PCDH15: variants seen among roughly 807,000 people sequenced by gnomAD.
The protein encoded by PCDH15 is protocadherin-15.
PCDH15 carries 129 observed loss-of-function variants against 178.5 expected under a neutral mutation model. The observed-to-expected ratio is 0.72, with a 90% CI of 0.63 to 0.84. The LOEUF (loss-of-function observed/expected upper bound fraction) is 0.84. Among genes scored for constraint, PCDH15 ranks in the 40% least tolerant of loss-of-function variants. PCDH15 has a pLI of 0.00. For missense variants in PCDH15, 2,230 were observed against 2,099.9 expected, an observed-to-expected ratio of 1.06 and a Z score of -1.21; for synonymous variants, 800 against 732.0, an observed-to-expected ratio of 1.09 and a Z score of -1.50.
intron 3 of PCDH15, among the ~76,000 whole-genome samples, chr10:54,828,370 GC>G (rs1219096523): frequency 6.6e-6 from 1 of 151,852 alleles, no homozygotes; most frequent in African/African-American, 2.4e-5. Context: ...GTAAAATCAA[GC>G]TTTTTTATTG....
At chr10:55,231,433 T>C (rs910981038) in intron 1 of PCDH15, among the ~76,000 whole-genome samples, 1 of 151,978 alleles carries the variant, frequency 6.6e-6, no homozygotes, top group Non-Finnish European at 1.5e-5. Context: ...TTGTTTTGAG[T>C]AAACTACCTA....
At chr10:54,357,523 C>G (rs1313058370) in intron 5 of PCDH15, among the ~76,000 whole-genome samples, 3 of 151,972 alleles carry the variant, frequency 2.0e-5, no homozygotes, top group African/African-American at 4.8e-5. Flanking sequence ...AGGATACAAA[C>G]AAATGGAAGA....
chr10:54,746,033 A>G (rs963209581), intron 1 of PCDH15, among the ~76,000 whole-genome samples: 1 of 152,170 alleles, frequency 6.6e-6, no homozygotes, highest in African/African-American at 2.4e-5. Flanking sequence ...TTCATAAATA[A>G]TTCTTATTTT....
intron 21 of PCDH15, among the ~76,000 whole-genome samples, chr10:53,975,264 G>A (rs1393283587): frequency 6.6e-6 from 1 of 152,020 alleles, no homozygotes; most frequent in Non-Finnish European, 1.5e-5. Flanking sequence ...GTGACTTTTT[G>A]GTAGAGCAAT....
At chr10:54,513,463 A>T (rs537734562) in intron 3 of PCDH15, among the ~76,000 whole-genome samples, 3 of 152,092 alleles carry the variant, frequency 2.0e-5, no homozygotes, top group African/African-American at 7.2e-5. Context: ...GTCTACACAC[A>T]AACACACCAG....
intron 1 of PCDH15, among the ~76,000 whole-genome samples, chr10:55,274,957 G>A (rs1284166781): frequency 6.6e-6 from 1 of 152,030 alleles, no homozygotes; most frequent in East Asian, 1.9e-4. Flanking sequence ...CCTGCTGTGC[G>A]ACCCAAGGGT....
chr10:54,582,820 G>T (rs946254218), intron 2 of PCDH15, among the ~76,000 whole-genome samples: 1 of 152,076 alleles, frequency 6.6e-6, no homozygotes, highest in African/African-American at 2.4e-5. Flanking sequence ...GAGCCCAGAA[G>T]TTCAAGGTTA....
chr10:54,880,744 C>G (rs1425784599), intron 3 of PCDH15, among the ~76,000 whole-genome samples: 1 of 149,420 alleles, frequency 6.7e-6, no homozygotes, highest in Non-Finnish European at 1.5e-5. Context: ...TTAAATTATA[C>G]ATTTCCACAT....
intron 2 of PCDH15, among the ~76,000 whole-genome samples, chr10:55,042,981 T>C (rs951480439): frequency 2.6e-5 from 4 of 152,170 alleles, no homozygotes; most frequent in Non-Finnish European, 5.9e-5. Flanking sequence ...TGTCAGCCCT[T>C]GACATTCTGT....
intron 2 of PCDH15, among the ~76,000 whole-genome samples, chr10:55,110,806 G>T (rs1169658138): frequency 6.6e-6 from 1 of 151,996 alleles, no homozygotes; most frequent in Non-Finnish European, 1.5e-5. Context: ...AAAAGAATTA[G>T]AAAAGGGATA....
chr10:54,608,837 G>T (rs1398544308), intron 2 of PCDH15, among the ~76,000 whole-genome samples: 2 of 150,550 alleles, frequency 1.3e-5, no homozygotes, highest in African/African-American at 4.9e-5. Context: ...AAGAAGAAAT[G>T]AGAAAAAAAA....
At chr10:55,627,456 G>A (rs542402171) in intron 2 of PCDH15, among the ~76,000 whole-genome samples, 2 of 152,102 alleles carry the variant, frequency 1.3e-5, no homozygotes, top group Non-Finnish European at 2.9e-5. Context: ...AGCTTTGAAA[G>A]GTACTTCCAC....
At chr10:53,814,868 G>A (rs1270929251) in intron 35 of PCDH15, among the ~76,000 whole-genome samples, 3 of 151,792 alleles carry the variant, frequency 2.0e-5, no homozygotes, top group Non-Finnish European at 2.9e-5. Flanking sequence ...GGAGGCTGAG[G>A]CAGGAGAATC....
At chr10:54,832,335 T>C (rs1953239001) in intron 3 of PCDH15, among the ~76,000 whole-genome samples, 1 of 140,424 alleles carries the variant, frequency 7.1e-6, no homozygotes, top group African/African-American at 2.6e-5. Context: ...AATATATAAA[T>C]TGAGAATATT....
chr10:53,897,959 C>CTTTTTTTTTT (rs66513139), intron 26 of PCDH15, among the ~76,000 whole-genome samples: 971 of 82,370 alleles, frequency 0.012, 135 homozygotes, highest in African/African-American at 0.044. Context: ...TTTCTTTTCC[C>CTTTTTTTTTT]TTTTTTTTTT....
Position 53,977,025 on chromosome 10 carries a change from CT to C in PCDH15, c.2869-15134del, listed in dbSNP as rs545471675. 9.2e-4 allele frequency among the ~76,000 whole-genome samples: 140 copies of C among 151,848 alleles called. 1 individual carries two copies. The highest frequency in any genetic ancestry group is 3.3e-3 in the African/African-American group (136 of 41,404). On this transcript the variant is annotated intron_variant, in intron 21 of 37. Transcript: ENST00000644397. ...CTGTTAACCAACTCATCTTCTTTATCTGTCCCTAATTCCTGTTTTCCTGCAT... is the reference window on the plus strand; with the variant it reads ...CTGTTAACCAACTCATCTTCTTTATCGTCCCTAATTCCTGTTTTCCTGCAT...
chr10:54,893,682 C>A (rs1039337018), intron 3 of PCDH15, among the ~76,000 whole-genome samples: 1 of 152,014 alleles, frequency 6.6e-6, no homozygotes, highest in Non-Finnish European at 1.5e-5. Context: ...TGTAAACATT[C>A]TCTATTCCTC....
At chr10:54,949,644 T>C (rs1838283546) in intron 2 of PCDH15, among the ~76,000 whole-genome samples, 1 of 151,966 alleles carries the variant, frequency 6.6e-6, no homozygotes, top group Admixed American at 6.6e-5. Flanking sequence ...TAAGTTGCAA[T>C]TCCAAACCAT....
At chr10:54,623,680 C>A (rs749063517) in intron 2 of PCDH15, among the ~76,000 whole-genome samples, 1 of 152,154 alleles carries the variant, frequency 6.6e-6, no homozygotes, top group East Asian at 1.9e-4. Flanking sequence ...TATAAATTGA[C>A]CCTTATTATT....
Sources: gnomAD v4.1 joint callset for allele counts (sites outside exome capture counted in the v4.1 genomes callset) on GRCh38, gnomAD v4.1.1 for gene constraint, MANE v1.5 for transcripts, NCBI Gene and HGNC (gene_info 2026-07-23, HGNC 2026-07-21) for gene names.